SLC26A11: variants seen among roughly 807,000 people sequenced by gnomAD.
SLC26A11 encodes solute carrier family 26 member 11.
In SLC26A11, 58 loss-of-function variants were observed where a neutral mutation model predicts 62.2. The ratio of observed to expected loss-of-function variants is 0.93; its 90% CI spans 0.76 to 1.16. SLC26A11 has a LOEUF of 1.16. Ranked by LOEUF, SLC26A11 falls within the 50% of genes most tolerant of loss-of-function variation. SLC26A11 has a pLI of 0.00. For missense variants in SLC26A11, 790 were observed against 794.3 expected, an observed-to-expected ratio of 0.99 and a Z score of 0.06; for synonymous variants, 411 against 368.9, an observed-to-expected ratio of 1.11 and a Z score of -1.31.
Position 80,221,724 on chromosome 17 carries a change from G to A in SLC26A11, c.164G>A (p.Gly55Asp), listed in dbSNP as rs750461173. 7 of 1,613,710 alleles carry A rather than the reference G, an allele frequency of 4.3e-6. No individual in the cohort carries two copies. Among genetic ancestry groups the A allele is most frequent in the Non-Finnish European group, 5.9e-6 (7 of 1,180,036 alleles). ...TGGCTGAAGATGGATTTCGTCGCCG[G>A]CCTCTCAGTTGGCCTCACTGCCATT... ...LQWLKMDFVA[G>D]LSVGLTAIPQ... Residue 55 changes from glycine (G) to aspartate (D), a missense_variant, in exon 3 of 18, where the codon GGC (glycine) becomes GAC (aspartate). Physicochemically the swap from Gly to Asp is moderately conservative, Grantham distance 94. Coordinates refer to ENST00000361193, the MANE Select transcript of SLC26A11 (RefSeq NM_001166347.2).
intron 13 of SLC26A11, among the ~76,000 whole-genome samples, chr17:80,247,242 C>T (rs2043027025): frequency 6.6e-6 from 1 of 152,036 alleles, no homozygotes; most frequent in Non-Finnish European, 1.5e-5. Context: ...ATGTCTACTT[C>T]TTTCTACACA....
chr17:80,247,255 C>T (rs565595408), intron 13 of SLC26A11, among the ~76,000 whole-genome samples: 3 of 152,108 alleles, frequency 2.0e-5, no homozygotes, highest in Admixed American at 1.3e-4. Context: ...TCTACACAGA[C>T]ACGGCAACCA....
chr17:80,251,621 G>C (rs941103183), intron 17 of SLC26A11, among the ~76,000 whole-genome samples: 1 of 152,032 alleles, frequency 6.6e-6, no homozygotes, highest in Non-Finnish European at 1.5e-5. Context: ...AAATTAGCTG[G>C]GTGTGGTGGC....
intron 8 of SLC26A11, 46 bp downstream of exon 8, chr17:80,237,149 G>A (rs1358709330): frequency 3.8e-6 from 6 of 1,582,296 alleles, no homozygotes; most frequent in Non-Finnish European, 4.3e-6. Flanking sequence ...GGCTGCGGTG[G>A]CCCCTGGCCT....
chr17:80,221,606 C>G lies in SLC26A11; in HGVS notation c.46C>G (p.Pro16Ala). The change falls in exon 3 of 18, where the codon CCC (proline) becomes GCC (alanine). Residue 16 changes from proline (P) to alanine (A), a missense_variant. Coordinates refer to ENST00000361193, the MANE Select transcript of SLC26A11 (RefSeq NM_001166347.2). The part of the protein sequence containing the change: ...TALGQARSSG[P>A]GMAPSACCCS... ...GCTGGGTCAGGCCAGGTCCTCTGGC[C>G]CCGGGATGGCCCCGAGCGCCTGCTG... is the stretch of plus-strand genomic sequence containing the variant. The G allele has an allele frequency of 6.2e-7, 1 of 1,607,408 alleles. No individual in the cohort carries two copies. Among genetic ancestry groups the G allele is most frequent in the Non-Finnish European group, 8.5e-7 (1 of 1,179,530 alleles).
At chr17:80,240,958 A>G (rs1283181213) in intron 9 of SLC26A11, among the ~76,000 whole-genome samples, 1 of 152,080 alleles carries the variant, frequency 6.6e-6, no homozygotes, top group Non-Finnish European at 1.5e-5. Context: ...TGAAAATAAA[A>G]TTAGCCGGGC....
At chr17:80,248,350 G>A (rs773645518) in intron 14 of SLC26A11, 93 bp downstream of exon 14, 255 of 1,482,582 alleles carry the variant, frequency 1.7e-4, no homozygotes, top group Non-Finnish European at 2.0e-4. Flanking sequence ...GATTGTGGTC[G>A]TGGGTGCTGC....
At chr17:80,243,297 G>A (rs1359554756) in intron 10 of SLC26A11, among the ~76,000 whole-genome samples, 19 of 152,166 alleles carry the variant, frequency 1.2e-4, no homozygotes, top group Non-Finnish European at 2.1e-4. Context: ...TGGGAATCAC[G>A]CACTTTCAGG....
In SLC26A11 at chr17:80,221,568, C is replaced by T. The variant is rs749266673; in HGVS notation, c.8C>T (p.Ser3Phe). 92 of 1,594,246 alleles carry T rather than the reference C, an allele frequency of 5.8e-5. No individual in the cohort carries two copies. In the Middle Eastern group the frequency reaches 1.2e-3, roughly 21 times the overall value. Reference sequence around the variant, plus strand: ...CCCAGCCCCACCGTAGAGATGCCTTCTTCGGTGACGGCGCTGGGTCAGGCC... The same window carrying T: ...CCCAGCCCCACCGTAGAGATGCCTTTTTCGGTGACGGCGCTGGGTCAGGCC... MPSSVTALGQARS... is the reference protein window; with the variant it reads MPFSVTALGQARS... The change falls in exon 3 of 18, where the codon TCT (serine) becomes TTT (phenylalanine). Residue 3 changes from serine to phenylalanine, a missense_variant. By Grantham distance (155) the Ser-to-Phe change is radical. Transcript: ENST00000361193.
intron 16 of SLC26A11, 41 bp downstream of exon 16, chr17:80,249,328 G>T (rs34002850): frequency 2.6e-5 from 42 of 1,600,694 alleles, no homozygotes; most frequent in Admixed American, 1.0e-4. Flanking sequence ...AGCAGCTGCC[G>T]GAAGGCCTTC....
rs1363147196 is a variant in SLC26A11, at chr17:80,223,888, C to T, written c.513+551C>T. 1.3e-5 allele frequency among the ~76,000 whole-genome samples: 2 copies of T among 152,108 alleles called. No individual in the cohort carries two copies. Among genetic ancestry groups the T allele is most frequent in the Non-Finnish European group, 2.9e-5 (2 of 68,020 alleles). ...GAGGGTGTAATTTATTCTGTTTTTG[C>T]TGGGTTGTAAGTTCCTCGAGGGTAG... On this transcript the variant is annotated intron_variant, in intron 5 of 17. Transcript: ENST00000361193. This position sits in a 1 kb window ranked among gnomAD's most constrained non-coding sequence, Gnocchi z 4.6.
rs2043177180 is a variant in SLC26A11, at chr17:80,252,282, T to G, written c.1730-343T>G. Reference sequence around the variant, plus strand: ...GAGTGAGGGGTGGCGGATGTTGTACTGACTTCCTTGGCTCAATGTGACGTC... The same window carrying G: ...GAGTGAGGGGTGGCGGATGTTGTACGGACTTCCTTGGCTCAATGTGACGTC... On this transcript the variant is annotated intron_variant, in intron 17 of 17. Transcript: ENST00000361193. The surrounding 1 kb of genome is among the most constrained non-coding windows in gnomAD (Gnocchi z 5.2). Among the ~76,000 whole-genome samples the G allele has an allele frequency of 6.6e-6, 1 of 152,214 alleles. No individual in the cohort carries two copies. The highest frequency in any genetic ancestry group is 1.5e-5 in the Non-Finnish European group (1 of 68,038).
chr17:80,248,747 A>G (rs1486761974), intron 15 of SLC26A11, 73 bp downstream of exon 15: 7 of 1,392,728 alleles, frequency 5.0e-6, no homozygotes, highest in Non-Finnish European at 6.9e-6. Flanking sequence ...GCTGTTCAGG[A>G]CCCCAAGACC....
Position 80,225,878 on chromosome 17 carries a change from GCAGGTGTACCA to G in SLC26A11, c.558_568del (p.Gln186HisfsTer12), listed in dbSNP as rs1567946404. 4.3e-6 allele frequency: 7 copies of G among 1,614,032 alleles called. No homozygotes were observed. On this transcript the variant is annotated frameshift_variant, in exon 6 of 18. Transcript: ENST00000361193. LOFTEE classifies it high-confidence loss of function. Reference sequence around the variant, plus strand: ...AGAACATCCCCAGGCCGTTCTTCCTGCAGGTGTACCACACCTTCCTCAGGATTGCAGAGACC... The same window carrying G: ...AGAACATCCCCAGGCCGTTCTTCCTGCACCTTCCTCAGGATTGCAGAGACC...
chr17:80,231,513 T>C (rs1318827361), intron 7 of SLC26A11, among the ~76,000 whole-genome samples: 2 of 152,178 alleles, frequency 1.3e-5, no homozygotes, highest in Non-Finnish European at 2.9e-5. Flanking sequence ...ATTTGAGACC[T>C]TTCTTCTTTT....
In SLC26A11 at chr17:80,250,866, C is replaced by T. The variant is rs367818070; in HGVS notation, c.1657-463C>T. On this transcript the variant is annotated intron_variant, in intron 16 of 17. Transcript: ENST00000361193. Reference sequence around the variant, plus strand: ...CAAACAAAAAGTCCTCTGGGCCAGGCGCTGTGGCTCACACCTGTAATCCCA... The same window carrying T: ...CAAACAAAAAGTCCTCTGGGCCAGGTGCTGTGGCTCACACCTGTAATCCCA... 2.2e-4 allele frequency among the ~76,000 whole-genome samples: 34 copies of T among 151,764 alleles called. 1 individual carries two copies. The highest frequency in any genetic ancestry group is 7.7e-4 in the African/African-American group (32 of 41,342).
intron 9 of SLC26A11, among the ~76,000 whole-genome samples, chr17:80,238,208 T>C (rs555293587): frequency 1.3e-5 from 2 of 152,100 alleles, no homozygotes; most frequent in East Asian, 3.9e-4. Flanking sequence ...AAATAAAAAT[T>C]AGCTGGGCAT....
At chr17:80,224,404 AGAGT>A (rs763300548) in intron 5 of SLC26A11, among the ~76,000 whole-genome samples, 5 of 124,890 alleles carry the variant, frequency 4.0e-5, no homozygotes, top group East Asian at 4.9e-4. Context: ...TATGAGTGTG[AGAGT>A]GAGTGTGAGT....
intron 6 of SLC26A11, among the ~76,000 whole-genome samples, chr17:80,226,631 G>A (rs1443635303): frequency 6.6e-6 from 1 of 152,174 alleles, no homozygotes; most frequent in Non-Finnish European, 1.5e-5. Flanking sequence ...AACCTGTGAG[G>A]CGGAGGTTGC....
Sources: allele counts gnomAD v4.1 joint callset (sites outside exome capture counted in the v4.1 genomes callset), GRCh38; gene constraint gnomAD v4.1.1; non-coding constraint Gnocchi (gnomAD v3.1); transcripts MANE v1.5; gene names NCBI Gene and HGNC (gene_info 2026-07-23, HGNC 2026-07-21).